ZNF124: variants seen among roughly 807,000 people sequenced by gnomAD.
ZNF124 encodes the protein zinc finger protein HZF-16.
In ZNF124, 25 loss-of-function variants were observed where a neutral mutation model predicts 26.6. The ratio of observed to expected loss-of-function variants is 0.94; its 90% confidence interval spans 0.68 to 1.31. The LOEUF (loss-of-function observed/expected upper bound fraction) is 1.31. ZNF124 is among the 40% of genes most tolerant of loss of function. ZNF124 has a pLI of 0.00. For synonymous variants in ZNF124, 129 were observed against 133.3 expected, an observed-to-expected ratio of 0.97 and a Z score of 0.22; for missense variants, 444 against 422.2, an observed-to-expected ratio of 1.05 and a Z score of -0.45.
In ZNF124 at chr1:247,157,009, G is replaced by T; in HGVS notation, c.613C>A (p.Pro205Thr). 1.9e-6 allele frequency: 3 copies of T among 1,613,964 alleles called. No homozygotes were observed. Among genetic ancestry groups the T allele is most frequent in the Non-Finnish European group, 2.5e-6 (3 of 1,179,990 alleles). ...DHERTHTGEK[P>T]YECKHCGKAF... The stretch of plus-strand genomic sequence containing the variant: ...TTCCCACAGTGCTTACATTCATAGG[G>T]TTTCTCTCCAGTATGAGTTCTTTCA... Residue 205 changes from proline to threonine, a missense_variant, in exon 4 of 4, where the codon CCC (proline) becomes ACC (threonine). Pro to Thr is a conservative substitution (Grantham distance 38). Transcript: ENST00000543802.
At chr1:247,134,515 C>T (rs546742698) in intron 3 of ZNF124, among the ~76,000 whole-genome samples, 40 of 152,220 alleles carry the variant, frequency 2.6e-4, no homozygotes, top group African/African-American at 9.1e-4. Flanking sequence ...AAAAAGGGCA[C>T]TGCATAATGG....
intron 3 of ZNF124, among the ~76,000 whole-genome samples, chr1:247,131,783 G>T (rs1011090363): frequency 3.3e-5 from 5 of 152,022 alleles, no homozygotes; most frequent in Non-Finnish European, 7.4e-5. Context: ...GATCTCCCTA[G>T]GCCTGAGCCC....
chr1:247,164,726 C>G (rs1032648828), intron 1 of ZNF124, among the ~76,000 whole-genome samples: 9 of 152,152 alleles, frequency 5.9e-5, no homozygotes, highest in African/African-American at 2.2e-4. Context: ...CTATTCCTAT[C>G]AAACTACCAA....
chr1:247,157,546 A>T lies in ZNF124; in HGVS notation c.219-143T>A, dbSNP rs193173930. 42 of 725,130 alleles carry T rather than the reference A, an allele frequency of 5.8e-5. 2 individuals carry two copies. The African/African-American group carries it at 6.6e-4, about 11-fold the overall frequency. 44.9% of individuals were successfully genotyped at this position (725,130 alleles called of 1,614,324 possible). A position where few individuals can be genotyped will look rare whatever the true frequency, so the allele number is the denominator to read the frequency against. On this transcript the variant is annotated intron_variant, in intron 3 of 3. Transcript: ENST00000543802. ...ACTGACTTATTTAATTTTACACAGTATGTCTATCATATGACTTCTGCAAAA... is the reference window on the plus strand; with the variant it reads ...ACTGACTTATTTAATTTTACACAGTTTGTCTATCATATGACTTCTGCAAAA...
At chr1:247,144,051 C>T (rs3844079) in intron 3 of ZNF124, among the ~76,000 whole-genome samples, 52,687 of 152,018 alleles carry the variant, frequency 0.35, 10,800 homozygotes, top group African/African-American at 0.56. Flanking sequence ...TCTGCCCTAC[C>T]ATCTGCTCCA....
At chr1:247,160,870 C>G (rs1673438897) in intron 1 of ZNF124, among the ~76,000 whole-genome samples, 1 of 151,610 alleles carries the variant, frequency 6.6e-6, no homozygotes, top group South Asian at 2.1e-4. Flanking sequence ...CAAATTTAAT[C>G]AAGAGGTAAT....
At chr1:247,132,614 G>GAAGA (rs1672396031) in intron 3 of ZNF124, among the ~76,000 whole-genome samples, 1 of 152,232 alleles carries the variant, frequency 6.6e-6, no homozygotes, top group Non-Finnish European at 1.5e-5. Flanking sequence ...TCAAAAGAAA[G>GAAGA]AGTAAAAACT....
intron 3 of ZNF124, among the ~76,000 whole-genome samples, chr1:247,148,382 C>G (rs951775271): frequency 3.3e-5 from 5 of 152,178 alleles, no homozygotes; most frequent in Admixed American, 1.3e-4. Context: ...GAATCAATCG[C>G]ATCATCACCC....
At chr1:247,151,767 C>T (rs1320085332), downstream of ZNF124, among the ~76,000 whole-genome samples, 2 of 151,892 alleles carry the variant, frequency 1.3e-5, no homozygotes, top group African/African-American at 4.8e-5. Flanking sequence ...ATATGTGCAT[C>T]AGCACGGAGT....
chr1:247,144,301 A>G (rs1357768474), intron 3 of ZNF124, among the ~76,000 whole-genome samples: 1 of 152,166 alleles, frequency 6.6e-6, no homozygotes, highest in Non-Finnish European at 1.5e-5. Context: ...ACCTTCTCCT[A>G]GACATTTTAT....
intron 3 of ZNF124, among the ~76,000 whole-genome samples, chr1:247,124,584 T>C (rs532930688): frequency 6.6e-6 from 1 of 152,274 alleles, no homozygotes; most frequent in African/African-American, 2.4e-5. Context: ...ATAAAGAAAT[T>C]CTGCATCCTG....
chr1:247,142,746 C>T (rs1390943789), intron 3 of ZNF124, among the ~76,000 whole-genome samples: 6 of 151,970 alleles, frequency 3.9e-5, no homozygotes, highest in Non-Finnish European at 8.8e-5. Context: ...TCACCTGGCT[C>T]ATATCATTTA....
intron 3 of ZNF124, among the ~76,000 whole-genome samples, chr1:247,126,383 C>T (rs1168685678): frequency 1.5e-5 from 1 of 68,348 alleles, no homozygotes; most frequent in Non-Finnish European, 2.9e-5. Flanking sequence ...CTGCCTAATC[C>T]GGCGCTCCGC....
intron 3 of ZNF124, among the ~76,000 whole-genome samples, chr1:247,149,303 T>C (rs1243749636): frequency 6.6e-6 from 1 of 152,184 alleles, no homozygotes; most frequent in African/African-American, 2.4e-5. Flanking sequence ...CATCACAATA[T>C]TAAACTAGAA....
In ZNF124 at chr1:247,159,976, G is replaced by GTTTTTTT. The variant is rs779659255; in HGVS notation, c.31-164_31-163insAAAAAAA. The GTTTTTTT allele has an allele frequency of 1.3e-4, 33 of 247,156 alleles. 1 individual carries two copies. Among genetic ancestry groups the GTTTTTTT allele is most frequent in the African/African-American group, 4.7e-4 (16 of 34,316 alleles). 15.3% of individuals were successfully genotyped at this position (247,156 alleles called of 1,614,324 possible). On this transcript the variant is annotated intron_variant, in intron 1 of 3. Coordinates refer to ENST00000543802, the MANE Select transcript of ZNF124 (RefSeq NM_001297568.2). ...TACACTTCCTTTCTCCCACATAGCA[G>GTTTTTTT]TTCTTTTTTTTTTTTTTTTTTTTTT...
At chr1:247,158,497 A>G (rs1352051262) in intron 3 of ZNF124, among the ~76,000 whole-genome samples, 1 of 152,232 alleles carries the variant, frequency 6.6e-6, no homozygotes, top group African/African-American at 2.4e-5. Flanking sequence ...TAGCAATGCA[A>G]GCAGACTAAA....
At chr1:247,166,037 G>A (rs1385828042) in intron 1 of ZNF124, among the ~76,000 whole-genome samples, 1 of 152,012 alleles carries the variant, frequency 6.6e-6, no homozygotes, top group Non-Finnish European at 1.5e-5. Context: ...AAATTAGCCG[G>A]GCCTGTTAGC....
chr1:247,163,680 T>C (rs979986643), intron 1 of ZNF124, among the ~76,000 whole-genome samples: 1 of 151,922 alleles, frequency 6.6e-6, no homozygotes, highest in Admixed American at 6.6e-5. Context: ...GACCAGATGG[T>C]TTCACAGCTA....
chr1:247,154,602 CAAA>C (rs1334844445), downstream of ZNF124, among the ~76,000 whole-genome samples: 1 of 152,120 alleles, frequency 6.6e-6, no homozygotes, highest in Non-Finnish European at 1.5e-5. Flanking sequence ...CAAAATGTCT[CAAA>C]AGATGCTACA....
Sources: gnomAD v4.1 joint callset for allele counts (sites outside exome capture counted in the v4.1 genomes callset) on GRCh38, gnomAD v4.1.1 for gene constraint, MANE v1.5 for transcripts, NCBI Gene and HGNC (gene_info 2026-07-23, HGNC 2026-07-21) for gene names.